The following RNF2 variants were observed in gnomAD, a reference collection of about 807,000 sequenced individuals.
RNF2 encodes E3 ubiquitin-protein ligase RING2.
A neutral mutation model predicts 37.2 loss-of-function variants in RNF2; 6 were observed. The observed-to-expected ratio is 0.16, with a 90% CI of 0.09 to 0.32. The LOEUF (loss-of-function observed/expected upper bound fraction) is 0.32, where lower values mean the gene tolerates loss of function less well. Among genes scored for constraint, RNF2 ranks in the 10% least tolerant of loss-of-function variants. The pLI is 1.00. For synonymous variants in RNF2, 133 were observed against 132.7 expected (o/e 1.00, Z -0.02); for missense variants, 251 against 404.0 (o/e 0.62, Z 3.25).
intron 1 of RNF2, among the ~76,000 whole-genome samples, chr1:185,055,719 C>A (rs1650413159): frequency 6.6e-6 from 1 of 152,126 alleles, no homozygotes; most frequent in Non-Finnish European, 1.5e-5. Context: ...CCGTGCCTGG[C>A]CTGTAGTTTC....
At chr1:185,052,146 G>A (rs925802413) in intron 1 of RNF2, among the ~76,000 whole-genome samples, 4 of 151,994 alleles carry the variant, frequency 2.6e-5, no homozygotes, top group African/African-American at 9.7e-5. Context: ...GACCATTTCA[G>A]ACTCATTCCT....
chr1:185,089,485 C>CA (rs933201506), intron 2 of RNF2, among the ~76,000 whole-genome samples: 2 of 152,096 alleles, frequency 1.3e-5, no homozygotes, highest in Non-Finnish European at 2.9e-5. Flanking sequence ...GTGACCTTGA[C>CA]AAGAGCACGT....
At chr1:185,070,493 G>A (rs1489160816) in intron 1 of RNF2, among the ~76,000 whole-genome samples, 1 of 152,148 alleles carries the variant, frequency 6.6e-6, no homozygotes, top group African/African-American at 2.4e-5. Flanking sequence ...GGGAACAAAT[G>A]TATGGCCCAG....
chr1:185,098,057 T>C lies in RNF2; in HGVS notation c.465-15T>C, dbSNP rs1285109353. The C allele has an allele frequency of 6.2e-7, 1 of 1,607,904 alleles. No homozygotes were observed. Among genetic ancestry groups the C allele is most frequent in the East Asian group, 2.2e-5 (1 of 44,746 alleles). The stretch of plus-strand genomic sequence containing the variant: ...AAAAGTAAATTTTATGCATCCTTTT[T>C]TCCCCCTTGACTAGACTGCAGCGAG... On this transcript the variant is annotated splice_polypyrimidine_tract_variant and intron_variant, in intron 4 of 6. Coordinates refer to ENST00000367510, the MANE Select transcript of RNF2 (RefSeq NM_007212.4).
intron 1 of RNF2, among the ~76,000 whole-genome samples, chr1:185,082,165 A>T (rs1651433433): frequency 6.6e-6 from 1 of 152,038 alleles, no homozygotes; most frequent in African/African-American, 2.4e-5. Flanking sequence ...GAGCTTTTTC[A>T]CCTTTCCAGT....
chr1:185,076,581 C>T (rs751643641), intron 1 of RNF2, among the ~76,000 whole-genome samples: 12 of 150,198 alleles, frequency 8.0e-5, no homozygotes, highest in Admixed American at 3.3e-4. Flanking sequence ...CCACTGCGCC[C>T]GGCCTTATTT....
At chr1:185,051,194 C>G (rs965280644) in intron 1 of RNF2, among the ~76,000 whole-genome samples, 1 of 152,142 alleles carries the variant, frequency 6.6e-6, no homozygotes, top group Non-Finnish European at 1.5e-5. Context: ...TAAACCCTCA[C>G]TATTTACACT....
intron 2 of RNF2, among the ~76,000 whole-genome samples, chr1:185,089,071 A>T (rs899235907): frequency 1.1e-4 from 17 of 151,740 alleles, no homozygotes; most frequent in African/African-American, 3.9e-4. Flanking sequence ...TGGGTGGGGG[A>T]TGGTTTCAGG....
intron 1 of RNF2, among the ~76,000 whole-genome samples, chr1:185,050,182 C>G (rs569385399): frequency 6.6e-6 from 1 of 152,238 alleles, no homozygotes; most frequent in East Asian, 1.9e-4. Context: ...TATGCCAGAC[C>G]CTGTGCAAGG....
rs1651429324 is a variant in RNF2, at chr1:185,082,093, GACA to G, written c.-2-5455_-2-5453del. Among the ~76,000 whole-genome samples, 3 of 152,096 alleles carry G rather than the reference GACA, an allele frequency of 2.0e-5. No individual in the cohort carries two copies. The South Asian group carries it at 6.2e-4, about 31-fold the overall frequency. ...ATTGTTGTTGCATAGAATAAGAGAAGACAACACTTAAAAATGGCGATATTTTTG... is the reference window on the plus strand; with the variant it reads ...ATTGTTGTTGCATAGAATAAGAGAAGACACTTAAAAATGGCGATATTTTTG... On this transcript the variant is annotated intron_variant, in intron 1 of 6. Coordinates refer to ENST00000367510, the MANE Select transcript of RNF2 (RefSeq NM_007212.4).
chr1:185,057,099 G>T (rs1195747144), intron 1 of RNF2, among the ~76,000 whole-genome samples: 1 of 152,140 alleles, frequency 6.6e-6, no homozygotes, highest in Non-Finnish European at 1.5e-5. Flanking sequence ...CTTGAGACTA[G>T]GAGTTCAAGA....
chr1:185,060,597 T>C (rs1216657222), intron 1 of RNF2, among the ~76,000 whole-genome samples: 4 of 152,178 alleles, frequency 2.6e-5, no homozygotes, highest in Non-Finnish European at 5.9e-5. Flanking sequence ...AGAGTTGATA[T>C]GTGTTCAGGA....
intron 1 of RNF2, among the ~76,000 whole-genome samples, chr1:185,076,268 G>GTTGTTTTTT (rs1651152431): frequency 1.1e-4 from 3 of 27,334 alleles, no homozygotes; most frequent in South Asian, 1.4e-3. Context: ...TTTATGGGTT[G>GTTGTTTTTT]TTTTTTTTTT....
At chr1:185,083,872 G>T (rs1651501646) in intron 1 of RNF2, among the ~76,000 whole-genome samples, 1 of 149,744 alleles carries the variant, frequency 6.7e-6, no homozygotes, top group Non-Finnish European at 1.5e-5. Flanking sequence ...CTCCCAAAGG[G>T]CTGGGATTAC....
chr1:185,083,278 C>G (rs1056935779), intron 1 of RNF2, among the ~76,000 whole-genome samples: 1 of 151,994 alleles, frequency 6.6e-6, no homozygotes, highest in African/African-American at 2.4e-5. Context: ...TGTTTTAGTT[C>G]GTATTTTGTC....
intron 1 of RNF2, among the ~76,000 whole-genome samples, chr1:185,074,928 G>C (rs973993273): frequency 6.6e-6 from 1 of 152,158 alleles, no homozygotes; most frequent in African/African-American, 2.4e-5. Flanking sequence ...GGAGCTCAGA[G>C]GGTGTCCTGG....
intron 1 of RNF2, among the ~76,000 whole-genome samples, chr1:185,060,301 C>T (rs1189016772): frequency 1.3e-5 from 2 of 152,156 alleles, no homozygotes; most frequent in Non-Finnish European, 1.5e-5. Flanking sequence ...ATTAAGTCTA[C>T]AGGTTTATTT....
intron 5 of RNF2, 69 bp from the exon 6 acceptor site, chr1:185,099,722 C>T (rs1652021772): frequency 5.4e-6 from 7 of 1,302,718 alleles, no homozygotes; most frequent in Non-Finnish European, 7.6e-6. Context: ...GTATTAGTTC[C>T]ATAATTTAAG....
At chr1:185,088,488 G>A (rs1448793771) in intron 2 of RNF2, among the ~76,000 whole-genome samples, 11 of 151,850 alleles carry the variant, frequency 7.2e-5, no homozygotes, top group African/African-American at 1.2e-4. Context: ...CCTGGGAGGC[G>A]GTGGTTGCAG....
Sources: gnomAD v4.1 joint callset for allele counts (sites outside exome capture counted in the v4.1 genomes callset) on GRCh38, gnomAD v4.1.1 for gene constraint, MANE v1.5 for transcripts, NCBI Gene and HGNC (gene_info 2026-07-23, HGNC 2026-07-21) for gene names.